The following NUDT16L1 variants were observed in gnomAD, a reference collection of about 807,000 sequenced individuals.
NUDT16L1 encodes tudor-interacting repair regulator protein.
NUDT16L1 carries 19 observed loss-of-function variants against 17.3 expected under a neutral mutation model. The observed-to-expected ratio is 1.10, with a 90% CI of 0.77 to 1.61. The LOEUF is 1.61. Ranked by LOEUF, NUDT16L1 falls within the 40% of genes most tolerant of loss-of-function variation. The pLI is 0.00. For synonymous variants in NUDT16L1, 255 were observed against 138.6 expected (o/e 1.84, Z -5.90); for missense variants, 341 against 292.0 (o/e 1.17, Z -1.22).
At chr16:4,694,291 C>T (rs772741309) in intron 2 of NUDT16L1, 53 bp downstream of exon 2, 12 of 1,476,772 alleles carry the variant, frequency 8.1e-6, no homozygotes, top group Admixed American at 7.1e-5. Context: ...GCTCTGGCCC[C>T]GTGGAAGGCA....
At chr16:4,693,783 C>G (rs1183830136) in exon 1 of NUDT16L1, 34 of 1,569,862 alleles carry the variant, frequency 2.2e-5, no homozygotes, top group Non-Finnish European at 2.8e-5. Flanking sequence ...AGGCGATGCG[C>G]CTAGGGCCGG....
intron 2 of NUDT16L1, chr16:4,694,640 T>G (rs2079495432): frequency 1.4e-6 from 2 of 1,414,718 alleles, no homozygotes; most frequent in Non-Finnish European, 1.8e-6. Context: ...TACTTTGTGG[T>G]CTGGAAGGGC....
exon 3 of NUDT16L1, chr16:4,695,767 ACAGT>A (rs1400307685): frequency 2.5e-6 from 1 of 397,774 alleles, no homozygotes; most frequent in Non-Finnish European, 4.4e-6. Context: ...GTTCCCAGGG[ACAGT>A]CAGGGCCTCG....
exon 3 of NUDT16L1, chr16:4,695,123 G>C: frequency 6.2e-7 from 1 of 1,613,374 alleles, no homozygotes. Flanking sequence ...GGCCCTGGCT[G>C]CAGCCACCGA....
At chr16:4,695,164 C>G (rs758974719) in exon 3 of NUDT16L1, 3 of 1,612,778 alleles carry the variant, frequency 1.9e-6, no homozygotes, top group South Asian at 2.2e-5. Context: ...AGAAGTTGCT[C>G]CCGGCCTCCT....
At chr16:4,695,704 C>T (rs2079527317) in exon 3 of NUDT16L1, 3 of 404,740 alleles carry the variant, frequency 7.4e-6, no homozygotes, top group Non-Finnish European at 1.3e-5. Flanking sequence ...TTCTCTTTCA[C>T]CACGTGTGAA....
chr16:4,694,259 C>CCG, intron 2 of NUDT16L1, 21 bp downstream of exon 2: 1 of 1,458,064 alleles, frequency 6.9e-7, no homozygotes, highest in African/African-American at 1.4e-5. Context: ...CGCCCGGGCC[C>CCG]CGCCCCCCGC....
At chr16:4,695,565 G>A (rs977152330) in exon 3 of NUDT16L1, 3 of 453,780 alleles carry the variant, frequency 6.6e-6, no homozygotes, top group African/African-American at 2.0e-5. Context: ...GGTGGAGGAT[G>A]CCTTGTCTCG....
intron 1 of NUDT16L1, 48 bp downstream of exon 1, chr16:4,693,927 CG>C: frequency 6.7e-7 from 1 of 1,491,832 alleles, no homozygotes; most frequent in Non-Finnish European, 8.8e-7. Flanking sequence ...CGGGCGGGCC[CG>C]GGCGGGGGCG....
chr16:4,693,891 C>T lies in NUDT16L1; in HGVS notation c.153+12C>T. On this transcript the variant is annotated intron_variant, in intron 1 of 2. Transcript: ENST00000304301. ...GCTTCTCGGTGCTGGTGAGGACGGG[C>T]GAGGGCGCGGGCGAGGGTGCCGGCG... 2 of 1,498,948 alleles carry T rather than the reference C, an allele frequency of 1.3e-6. No homozygotes were observed. The highest frequency in any genetic ancestry group is 1.5e-5 in the African/African-American group (1 of 68,658). The allele number at this position is 1,498,948 out of a possible 1,614,324, so 92.9% of individuals were successfully genotyped here. A position where few individuals can be genotyped will look rare whatever the true frequency, so the allele number is the denominator to read the frequency against.
chr16:4,694,034 C>A (rs150759445), exon 2 of NUDT16L1: 3 of 1,584,528 alleles, frequency 1.9e-6, no homozygotes, highest in Non-Finnish European at 1.7e-6. Context: ...TGGACCGGCG[C>A]TTCTGGTCGC....
exon 3 of NUDT16L1, chr16:4,695,584 A>ATTCCTGCCTCC (rs2079524130): frequency 2.3e-6 from 1 of 441,260 alleles, no homozygotes; most frequent in African/African-American, 2.0e-5. Context: ...CGGTCAGCTC[A>ATTCCTGCCTCC]TTCCTGCCTC....
intron 2 of NUDT16L1, 117 bp from the exon 3 acceptor site, chr16:4,694,841 T>TAAGTC: frequency 6.8e-7 from 1 of 1,470,818 alleles, no homozygotes; most frequent in Admixed American, 2.4e-5. Context: ...GGTCTCCCAT[T>TAAGTC]AAGTCCTTGG....
At chr16:4,694,619 C>G in intron 2 of NUDT16L1, 1 of 1,424,328 alleles carries the variant, frequency 7.0e-7, no homozygotes, top group Non-Finnish European at 9.2e-7. Context: ...CGTGAAGGCT[C>G]TTGGGATTTG....
At chr16:4,695,049 C>G (rs749454707) in exon 3 of NUDT16L1, 1 of 1,613,488 alleles carries the variant, frequency 6.2e-7, no homozygotes, top group Non-Finnish European at 8.5e-7. Context: ...GTGAGCACGG[C>G]TAAGTGCCAG....
chr16:4,694,124 C>T lies in NUDT16L1; in HGVS notation c.300C>T (p.His100=), dbSNP rs765132114. ...CCGAGGCCGACTACCTGAGCTCGCA[C>T]CTGACCGAGGGCCCACACCGCGTCG... Residue 100 remains histidine (H), a synonymous_variant, in exon 2 of 3, where the codon CAC becomes CAT. Transcript: ENST00000304301. 19 of 1,589,810 alleles carry T rather than the reference C, an allele frequency of 1.2e-5. No individual in the cohort carries two copies. The East Asian group carries it at 2.3e-4, about 19-fold the overall frequency.
exon 1 of NUDT16L1, chr16:4,693,766 C>G: frequency 1.9e-6 from 3 of 1,561,660 alleles, no homozygotes; most frequent in Non-Finnish European, 2.6e-6. Flanking sequence ...GCAGATCAGC[C>G]GGGTGGAGGC....
In NUDT16L1 at chr16:4,694,731, G is replaced by A. The variant is rs1353790939; in HGVS notation, c.415-227G>A. 4.0e-5 allele frequency: 57 copies of A among 1,422,330 alleles called. No individual in the cohort carries two copies. The East Asian group carries it at 5.3e-4, about 13-fold the overall frequency. The allele number at this position is 1,422,330 out of a possible 1,614,324, so 88.1% of individuals were successfully genotyped here. On this transcript the variant is annotated intron_variant, in intron 2 of 2. Coordinates refer to ENST00000304301, the Ensembl canonical transcript of NUDT16L1. ...CCCCGGGGTGGGGTGGCCTGGGTACGAGGGGGGGGAGTGCATGGGGTCAGC... is the reference window on the plus strand; with the variant it reads ...CCCCGGGGTGGGGTGGCCTGGGTACAAGGGGGGGGAGTGCATGGGGTCAGC...
chr16:4,693,988 G>A (rs1222021961), exon 2 of NUDT16L1: 3 of 1,578,302 alleles, frequency 1.9e-6, no homozygotes, highest in Non-Finnish European at 2.6e-6. Flanking sequence ...ATGCAGATGC[G>A]TTTCGACGGG....
Sources: allele counts gnomAD v4.1 joint callset, GRCh38; gene constraint gnomAD v4.1.1; transcripts MANE v1.5; gene names NCBI Gene and HGNC (gene_info 2026-07-23, HGNC 2026-07-21).